CD6: variants seen among roughly 807,000 people sequenced by gnomAD.
CD6 encodes CD6 molecule.
CD6 carries 53 observed loss-of-function variants against 75.3 expected under a neutral mutation model. The observed-to-expected ratio is 0.70, with a 90% CI of 0.56 to 0.88. The LOEUF is 0.88. Among genes scored for constraint, CD6 ranks in the 40% least tolerant of loss-of-function variants. CD6 has a pLI of 0.00. For synonymous variants in CD6, 359 were observed against 381.5 expected (o/e 0.94, Z 0.69); for missense variants, 770 against 897.1 (o/e 0.86, Z 1.81).
intron 1 of CD6, among the ~76,000 whole-genome samples, chr11:60,975,165 T>G (rs1301992896): frequency 6.6e-6 from 1 of 152,218 alleles, no homozygotes; most frequent in Non-Finnish European, 1.5e-5. Flanking sequence ...TTAATGACTT[T>G]CGATGGGCCT....
At chr11:61,001,148 A>AT (rs1410039622) in intron 1 of CD6, among the ~76,000 whole-genome samples, 2 of 151,196 alleles carry the variant, frequency 1.3e-5, no homozygotes, top group African/African-American at 4.9e-5. Flanking sequence ...TTATTTTTCA[A>AT]TGTTTTGTCA....
intron 12 of CD6, 95 bp from the exon 13 acceptor site, chr11:61,019,159 G>A (rs1859562087): frequency 2.4e-6 from 2 of 844,218 alleles, no homozygotes. Context: ...ATCCCACGGG[G>A]ATAGTGATGT....
intron 1 of CD6, among the ~76,000 whole-genome samples, chr11:60,992,922 G>C (rs979303537): frequency 6.6e-6 from 1 of 152,138 alleles, no homozygotes; most frequent in Admixed American, 6.5e-5. Flanking sequence ...GTGGTCTAAA[G>C]TCTGGCGGGG....
chr11:61,013,987 C>A lies in CD6; in HGVS notation c.1360C>A (p.Pro454Thr). 1 of 1,613,704 alleles carries A rather than the reference C, an allele frequency of 6.2e-7. No individual in the cohort carries two copies. Among genetic ancestry groups the A allele is most frequent in the Non-Finnish European group, 8.5e-7 (1 of 1,179,826 alleles). ...TIPAGSNSYQ[P>T]VPITIPKEVF... Reference sequence around the variant, plus strand: ...CCCGGCAGGGAGCAATAGCTATCAACCGGTCCCCATCACCATCCCCAAAGA... The same window carrying A: ...CCCGGCAGGGAGCAATAGCTATCAAACGGTCCCCATCACCATCCCCAAAGA... The change falls in exon 8 of 13, where the codon CCG becomes ACG. Residue 454 changes from proline to threonine, a missense_variant. Pro to Thr is a conservative substitution (Grantham distance 38). Coordinates refer to ENST00000313421, the MANE Select transcript of CD6 (RefSeq NM_006725.5).
intron 12 of CD6, 30 bp from the exon 13 acceptor site, chr11:61,019,224 T>A: frequency 6.3e-7 from 1 of 1,580,754 alleles, no homozygotes; most frequent in Non-Finnish European, 8.7e-7. Context: ...TGACTGGGTC[T>A]CCCACTAATC....
chr11:60,983,384 A>T (rs377420761), intron 1 of CD6, among the ~76,000 whole-genome samples: 19 of 152,128 alleles, frequency 1.2e-4, no homozygotes, highest in African/African-American at 4.6e-4. Flanking sequence ...GAGCCACTGC[A>T]CCTGGCCTGT....
At position 60,997,820 on chromosome 11, in the gene CD6, A is replaced by G. The variant is rs138260507; in HGVS notation, c.50-8754A>G. Among the ~76,000 whole-genome samples, 17 of 139,724 alleles carry G rather than the reference A, an allele frequency of 1.2e-4. No homozygotes were observed. The East Asian group carries it at 3.7e-3, about 30-fold the overall frequency. 91.7% of individuals were successfully genotyped at this position (139,724 alleles called of 152,430 possible). A position where few individuals can be genotyped will look rare whatever the true frequency, so the allele number is the denominator to read the frequency against. The stretch of plus-strand genomic sequence containing the variant: ...AATTAAATAGAAATGAATTGAATTA[A>G]ATAAAATGAAATTTTGAGTTTCTCA... On this transcript the variant is annotated intron_variant, in intron 1 of 12. Transcript: ENST00000313421.
At chr11:61,018,678 A>G (rs2134513702) in intron 12 of CD6, 1 of 378,544 alleles carries the variant, frequency 2.6e-6, no homozygotes, top group Non-Finnish European at 4.7e-6. Context: ...AATATTAGCC[A>G]AGGGTAGCAC....
chr11:61,013,501 T>G lies in CD6; in HGVS notation c.1229T>G (p.Ile410Ser), dbSNP rs768072209. ...MLLIPSIVLG[I>S]LLLGSLIFIA... Reference sequence around the variant, plus strand: ...CTCATCCCCTCCATCGTTCTGGGAATTCTCCTCCTTGGCTCCCTCATCTTC... The same window carrying G: ...CTCATCCCCTCCATCGTTCTGGGAAGTCTCCTCCTTGGCTCCCTCATCTTC... The change falls in exon 7 of 13, where the codon ATT becomes AGT. Residue 410 changes from isoleucine (I) to serine (S), a missense_variant. Physicochemically the swap from Ile to Ser is moderately radical, Grantham distance 142. Coordinates refer to ENST00000313421, the MANE Select transcript of CD6 (RefSeq NM_006725.5). 2 of 1,614,094 alleles carry G rather than the reference T, an allele frequency of 1.2e-6. No individual in the cohort carries two copies. The highest frequency in any genetic ancestry group is 2.2e-5 in the South Asian group (2 of 91,088).
rs1011394472 is a variant in CD6 at position 61,007,630 on chromosome 11, G to A, written c.189G>A (p.Glu63=). The A allele has an allele frequency of 1.5e-5, 22 of 1,483,126 alleles. No individual in the cohort carries two copies. The highest frequency in any genetic ancestry group is 2.0e-5 in the Non-Finnish European group (22 of 1,116,664). The allele number at this position is 1,483,126 out of a possible 1,614,324, so 91.9% of individuals were successfully genotyped here. ...GCGGGACGGTGGAGGTGCGGCTCGA[G>A]GCGTCCTGGGAGCCCGCGTGCGGGG... ...SCSGTVEVRL[E]ASWEPACGAL... The change falls in exon 3 of 13, where the codon GAG becomes GAA. Residue 63 remains glutamate (E), a synonymous_variant. Coordinates refer to ENST00000313421, the MANE Select transcript of CD6 (RefSeq NM_006725.5). The surrounding 1 kb of genome is among the most constrained non-coding windows in gnomAD (Gnocchi z 4.2).
intron 1 of CD6, among the ~76,000 whole-genome samples, chr11:60,981,414 A>G: frequency 6.6e-6 from 1 of 152,136 alleles, no homozygotes; most frequent in East Asian, 1.9e-4. Flanking sequence ...CTCCTGCAGG[A>G]AAGGTCCGCC....
At chr11:60,994,063 A>G (rs944089084) in intron 1 of CD6, among the ~76,000 whole-genome samples, 5 of 152,158 alleles carry the variant, frequency 3.3e-5, no homozygotes, top group Non-Finnish European at 7.3e-5. Context: ...AGAGGAGGGG[A>G]GATGAAACCT....
At chr11:60,994,605 G>T (rs1297558500) in intron 1 of CD6, among the ~76,000 whole-genome samples, 1 of 152,100 alleles carries the variant, frequency 6.6e-6, no homozygotes, top group Non-Finnish European at 1.5e-5. Context: ...TATAACTGGG[G>T]AGTGTGAAAA....
intron 1 of CD6, among the ~76,000 whole-genome samples, chr11:61,002,845 C>T (rs562264670): frequency 6.6e-5 from 10 of 152,280 alleles, no homozygotes; most frequent in Admixed American, 4.6e-4. Flanking sequence ...GAGCGAGGGA[C>T]GGTGGAACTC....
In CD6 at chr11:61,016,679, C is replaced by T. The variant is rs144970053; in HGVS notation, c.1511-800C>T. 3.1e-3 allele frequency among the ~76,000 whole-genome samples: 477 copies of T among 152,328 alleles called. 4 individuals are homozygous for T. The highest frequency in any genetic ancestry group is 0.011 in the African/African-American group (464 of 41,570). On this transcript the variant is annotated intron_variant, in intron 9 of 12. Coordinates refer to ENST00000313421, the MANE Select transcript of CD6 (RefSeq NM_006725.5). The stretch of plus-strand genomic sequence containing the variant: ...TGGCCACAGATTCCCGCTCACAACC[C>T]AGCACCCAGAACGAAAACCCACTAG...
chr11:60,990,853 C>G (rs1279859659), intron 1 of CD6, among the ~76,000 whole-genome samples: 2 of 94,344 alleles, frequency 2.1e-5, no homozygotes. Flanking sequence ...TTTTCAAAAT[C>G]TAACCAAGTG....
intron 1 of CD6, among the ~76,000 whole-genome samples, chr11:61,000,270 G>T (rs1291062859): frequency 6.6e-6 from 1 of 151,766 alleles, no homozygotes; most frequent in Non-Finnish European, 1.5e-5. Context: ...GTTTGCTGTT[G>T]TTGTTAAGGC....
chr11:61,019,824 G>A lies in CD6; in HGVS notation c.*506G>A, dbSNP rs1019784120. The A allele has an allele frequency of 9.6e-6, 2 of 208,660 alleles. No individual in the cohort carries two copies. Among genetic ancestry groups the A allele is most frequent in the Non-Finnish European group, 1.9e-5 (2 of 105,776 alleles). The allele number at this position is 208,660 out of a possible 1,614,324, so 12.9% of individuals were successfully genotyped here. A position where few individuals can be genotyped will look rare whatever the true frequency, so the allele number is the denominator to read the frequency against. Reference sequence around the variant, plus strand: ...GAGCTGTTGTCACTGATCGGTGGGCGCTGGGGGGGTAGGGTAGCACACCAG... The same window carrying A: ...GAGCTGTTGTCACTGATCGGTGGGCACTGGGGGGGTAGGGTAGCACACCAG... On this transcript the variant is annotated 3_prime_UTR_variant, in exon 13 of 13. Coordinates refer to ENST00000313421, the MANE Select transcript of CD6 (RefSeq NM_006725.5).
At chr11:60,977,176 T>G (rs1249189283) in intron 1 of CD6, among the ~76,000 whole-genome samples, 2 of 152,156 alleles carry the variant, frequency 1.3e-5, no homozygotes, top group Non-Finnish European at 2.9e-5. Context: ...TTTATTATAT[T>G]TATAGAACAC....
Sources: gnomAD v4.1 joint callset for allele counts (sites outside exome capture counted in the v4.1 genomes callset) on GRCh38, gnomAD v4.1.1 for gene constraint, Gnocchi (gnomAD v3.1) non-coding constraint, MANE v1.5 for transcripts, NCBI Gene and HGNC (gene_info 2026-07-23, HGNC 2026-07-21) for gene names.